KLRG2: variants seen among roughly 807,000 people sequenced by gnomAD.
KLRG2 encodes the protein killer cell lectin like receptor G2, also known as killer cell lectin-like receptor subfamily G member 2.
KLRG2 carries 39 observed loss-of-function variants against 35.4 expected under a neutral mutation model. The ratio of observed to expected loss-of-function variants is 1.10; its 90% CI spans 0.85 to 1.44. The LOEUF (loss-of-function observed/expected upper bound fraction) is 1.44. Among genes scored for constraint, KLRG2 ranks in the 40% most tolerant of loss-of-function variants. KLRG2 has a pLI of 0.00. For synonymous variants in KLRG2, 283 were observed against 265.8 expected, an observed-to-expected ratio of 1.06 and a Z score of -0.63; for missense variants, 632 against 570.9, an observed-to-expected ratio of 1.11 and a Z score of -1.09.
chr7:139,445,793 G>GTATATATATA, the KLRG2 span, among the ~76,000 whole-genome samples: 118 of 95,464 alleles, frequency 1.2e-3, 5 homozygotes, highest in African/African-American at 9.0e-3. Context: ...ATATATATAT[G>GTATATATATA]TGTGTATATA....
At chr7:139,467,652 G>C (rs1411449318) in intron 3 of KLRG2, among the ~76,000 whole-genome samples, 1 of 142,908 alleles carries the variant, frequency 7.0e-6, no homozygotes. Flanking sequence ...CTCGTTAAGA[G>C]TCATCACCAC....
intron 3 of KLRG2, among the ~76,000 whole-genome samples, chr7:139,454,782 T>C (rs557845043): frequency 5.6e-4 from 84 of 150,780 alleles, no homozygotes; most frequent in Middle Eastern, 3.4e-3. Context: ...CGCCACTGCA[T>C]TCCAGCCTGG....
At chr7:139,429,693 A>G in the KLRG2 span, among the ~76,000 whole-genome samples, 17 of 152,302 alleles carry the variant, frequency 1.1e-4, no homozygotes, top group East Asian at 9.6e-4. Flanking sequence ...GTTGGGGGTA[A>G]GGTCACAGAT....
At chr7:139,467,541 A>G (rs1796684583) in intron 3 of KLRG2, among the ~76,000 whole-genome samples, 1 of 151,978 alleles carries the variant, frequency 6.6e-6, no homozygotes, top group African/African-American at 2.4e-5. Flanking sequence ...CTTACCCCCA[A>G]CGCCGTGCTC....
At position 139,483,502 on chromosome 7, in the gene KLRG2, G is replaced by A; in HGVS notation, c.141C>T (p.Ser47=). 2 of 1,599,212 alleles carry A rather than the reference G, an allele frequency of 1.3e-6. No individual in the cohort carries two copies. The highest frequency in any genetic ancestry group is 1.7e-6 in the Non-Finnish European group (2 of 1,178,996). ...TCTCCACGGCCCCGGCCGGACTTGG[G>A]CTGCTTTCGGGACCTTCAGGTTGTC... ...KVRQPEGPES[S]PSPAGAVEKA... is the part of the protein sequence containing the mutation. The change falls in exon 1 of 5, where the codon AGC becomes AGT. Residue 47 remains serine, a synonymous_variant. Transcript: ENST00000340940.
At chr7:139,464,171 C>T (rs1585167890) in intron 3 of KLRG2, among the ~76,000 whole-genome samples, 1 of 152,146 alleles carries the variant, frequency 6.6e-6, no homozygotes, top group Admixed American at 6.6e-5. Context: ...TATCTCCCCA[C>T]CTTAATCCAC....
downstream of KLRG2, among the ~76,000 whole-genome samples, chr7:139,450,317 G>A (rs545781163): frequency 5.9e-5 from 9 of 151,836 alleles, no homozygotes; most frequent in Middle Eastern, 3.4e-3. Context: ...TCTGCCTCCT[G>A]GGTTCACGCC....
At chr7:139,447,693 G>A (rs74743829), downstream of KLRG2, among the ~76,000 whole-genome samples, 2,328 of 151,816 alleles carry the variant, frequency 0.015, 172 homozygotes, top group East Asian at 0.24. Flanking sequence ...GTGAGCCACC[G>A]CACCCAGCCT....
Position 139,483,655 on chromosome 7 carries a change from G to C in KLRG2, c.-13C>G. 9.5e-6 allele frequency: 14 copies of C among 1,481,430 alleles called. No homozygotes were observed. The highest frequency in any genetic ancestry group is 1.2e-5 in the Non-Finnish European group (14 of 1,123,410). 91.8% of individuals were successfully genotyped at this position (1,481,430 alleles called of 1,614,324 possible). On this transcript the variant is annotated 5_prime_UTR_variant, in exon 1 of 5. Coordinates refer to ENST00000340940, the MANE Select transcript of KLRG2 (RefSeq NM_198508.4). The stretch of plus-strand genomic sequence containing the variant: ...AAGACTCCTCCATCCCGCGCGCCCC[G>C]CCACCCGGAGACGCTGAGGAGCGCA...
At chr7:139,434,419 C>T in the KLRG2 span, among the ~76,000 whole-genome samples, 1 of 152,160 alleles carries the variant, frequency 6.6e-6, no homozygotes, top group Non-Finnish European at 1.5e-5. Context: ...TACCTTCCTT[C>T]CTTGGCTGGG....
At position 139,461,245 on chromosome 7, in the gene KLRG2, TAAA is replaced by T. The variant is rs527784480; in HGVS notation, c.1006-7034_1006-7032del. ...CTGGGTGACAGAGCCAGACTCCATC[TAAA>T]AAAAAAAGAGAGAGAGAGAAATGTG... On this transcript the variant is annotated intron_variant, in intron 3 of 4. Coordinates refer to ENST00000340940, the MANE Select transcript of KLRG2 (RefSeq NM_198508.4). Among the ~76,000 whole-genome samples, 274 of 147,780 alleles carry T rather than the reference TAAA, an allele frequency of 1.9e-3. 2 individuals are homozygous for T. Among genetic ancestry groups the T allele is most frequent in the East Asian group, 9.7e-3 (49 of 5,076 alleles).
At chr7:139,465,700 A>G (rs1212673792) in intron 3 of KLRG2, among the ~76,000 whole-genome samples, 1 of 151,610 alleles carries the variant, frequency 6.6e-6, no homozygotes, top group Non-Finnish European at 1.5e-5. Context: ...TCAAAAAAAA[A>G]AAAAAAGAAA....
downstream of KLRG2, among the ~76,000 whole-genome samples, chr7:139,450,458 T>G (rs995303665): frequency 2.0e-5 from 3 of 151,934 alleles, no homozygotes; most frequent in Non-Finnish European, 4.4e-5. Context: ...CTCTTGACCT[T>G]GTGATCTGCC....
At chr7:139,459,500 G>A (rs1276899653) in intron 3 of KLRG2, among the ~76,000 whole-genome samples, 3 of 152,106 alleles carry the variant, frequency 2.0e-5, no homozygotes, top group South Asian at 2.1e-4. Flanking sequence ...GATACAACCA[G>A]TCTGAGTCGT....
chr7:139,438,946 G>GCCTCA, the KLRG2 span, among the ~76,000 whole-genome samples: 5 of 71,596 alleles, frequency 7.0e-5, no homozygotes, highest in Non-Finnish European at 1.6e-4. Flanking sequence ...GCCCCGCCTC[G>GCCTCA]GCCTCCCAAA....
chr7:139,459,519 G>C (rs1796533542), intron 3 of KLRG2, among the ~76,000 whole-genome samples: 1 of 152,120 alleles, frequency 6.6e-6, no homozygotes, highest in Non-Finnish European at 1.5e-5. Flanking sequence ...GTTTGGTACA[G>C]GAGCCTGGGG....
the KLRG2 span, among the ~76,000 whole-genome samples, chr7:139,427,913 TCACC>T: frequency 6.6e-6 from 1 of 152,200 alleles, no homozygotes; most frequent in Admixed American, 6.5e-5. Flanking sequence ...CCATATTCTA[TCACC>T]ATCATGCCCG....
rs567554259 is a variant in KLRG2 at position 139,476,432 on chromosome 7, G to A, written c.1005+3195C>T. On this transcript the variant is annotated intron_variant, in intron 3 of 4. Coordinates refer to ENST00000340940, the MANE Select transcript of KLRG2 (RefSeq NM_198508.4). ...AGGATTCCAGAAGGCTCTCTGGCCCGGTGTCACTATCTTTTTTTTTTTTCC... is the reference window on the plus strand; with the variant it reads ...AGGATTCCAGAAGGCTCTCTGGCCCAGTGTCACTATCTTTTTTTTTTTTCC... 1.0e-4 allele frequency among the ~76,000 whole-genome samples: 15 copies of A among 149,154 alleles called. No homozygotes were observed. In the East Asian group the frequency reaches 2.5e-3, roughly 25 times the overall value.
At chr7:139,434,826 T>G in the KLRG2 span, among the ~76,000 whole-genome samples, 1 of 152,146 alleles carries the variant, frequency 6.6e-6, no homozygotes, top group South Asian at 2.1e-4. Flanking sequence ...GCCCTGAATC[T>G]GCCACTTAGA....
Sources: gnomAD v4.1 joint callset for allele counts (sites outside exome capture counted in the v4.1 genomes callset) on GRCh38, gnomAD v4.1.1 for gene constraint, MANE v1.5 for transcripts, NCBI Gene and HGNC (gene_info 2026-07-23, HGNC 2026-07-21) for gene names.